NOX4: variants seen among roughly 807,000 people sequenced by gnomAD.
The protein encoded by NOX4 is NADPH oxidase 4.
NOX4 carries 69 observed loss-of-function variants against 87.6 expected under a neutral mutation model. The ratio of observed to expected loss-of-function variants is 0.79; its 90% confidence interval spans 0.65 to 0.96. NOX4 has a LOEUF of 0.96. NOX4 is among the 40% of genes least tolerant of loss of function. NOX4 has a pLI of 0.00. For missense variants in NOX4, 680 were observed against 681.5 expected, an observed-to-expected ratio of 1.00 and a Z score of 0.02; for synonymous variants, 275 against 238.2, an observed-to-expected ratio of 1.15 and a Z score of -1.42.
At chr11:89,387,153 A>T (rs974002572) in intron 11 of NOX4, among the ~76,000 whole-genome samples, 1 of 151,742 alleles carries the variant, frequency 6.6e-6, no homozygotes, top group African/African-American at 2.4e-5. Flanking sequence ...CTTTACCACT[A>T]TTTTGTTTTA....
At chr11:89,559,182 C>T in the NOX4 span, among the ~76,000 whole-genome samples, 1 of 151,976 alleles carries the variant, frequency 6.6e-6, no homozygotes, top group Non-Finnish European at 1.5e-5. Context: ...ATGGGTCCTG[C>T]TCTCAAGAAA....
At chr11:89,480,179 C>T (rs913465763) in intron 2 of NOX4, among the ~76,000 whole-genome samples, 4 of 152,158 alleles carry the variant, frequency 2.6e-5, no homozygotes, top group African/African-American at 4.8e-5. Flanking sequence ...CAGACTTTCA[C>T]GATCCCACTT....
the NOX4 span, among the ~76,000 whole-genome samples, chr11:89,523,766 T>G: frequency 6.6e-6 from 1 of 152,122 alleles, no homozygotes; most frequent in African/African-American, 2.4e-5. Flanking sequence ...CATGCTATAC[T>G]CATGCAAGGA....
intron 7 of NOX4, among the ~76,000 whole-genome samples, chr11:89,423,050 A>T (rs977284577): frequency 1.3e-5 from 2 of 152,012 alleles, no homozygotes; most frequent in African/African-American, 2.4e-5. Flanking sequence ...CACCTGCGTC[A>T]GTCTCCCAAA....
At chr11:89,559,882 C>T in the NOX4 span, among the ~76,000 whole-genome samples, 1 of 152,082 alleles carries the variant, frequency 6.6e-6, no homozygotes, top group South Asian at 2.1e-4. Context: ...TGAGAAAAAG[C>T]TTGATACGTT....
intron 2 of NOX4, among the ~76,000 whole-genome samples, chr11:89,453,205 C>T (rs1201549445): frequency 6.6e-6 from 1 of 151,936 alleles, no homozygotes; most frequent in Non-Finnish European, 1.5e-5. Context: ...ACTCTGTCCA[C>T]TCCCATCCCC....
chr11:89,332,270 T>G (rs1460764050), intron 17 of NOX4, among the ~76,000 whole-genome samples: 1 of 151,782 alleles, frequency 6.6e-6, no homozygotes, highest in Non-Finnish European at 1.5e-5. Context: ...ATTCTTAAAT[T>G]GTATTGTTTG....
chr11:89,544,536 G>T, the NOX4 span, among the ~76,000 whole-genome samples: 2 of 152,138 alleles, frequency 1.3e-5, no homozygotes, highest in African/African-American at 2.4e-5. Flanking sequence ...GGTATAGGCA[G>T]CATTGTATCT....
chr11:89,586,884 T>C, the NOX4 span, among the ~76,000 whole-genome samples: 2 of 152,088 alleles, frequency 1.3e-5, no homozygotes, highest in African/African-American at 2.4e-5. Context: ...TAATGTTAGA[T>C]AACAAAGGTG....
At chr11:89,410,467 C>A (rs1254041298) in intron 8 of NOX4, among the ~76,000 whole-genome samples, 1 of 152,174 alleles carries the variant, frequency 6.6e-6, no homozygotes, top group Non-Finnish European at 1.5e-5. Context: ...GGATTCCCTG[C>A]ATAAAGATGG....
At chr11:89,331,602 G>A (rs1945474377) in intron 17 of NOX4, among the ~76,000 whole-genome samples, 1 of 151,794 alleles carries the variant, frequency 6.6e-6, no homozygotes, top group South Asian at 2.1e-4. Context: ...AACGCCATAT[G>A]ATGGCAATAA....
intron 13 of NOX4, among the ~76,000 whole-genome samples, chr11:89,345,079 T>C (rs573638930): frequency 3.9e-5 from 6 of 152,160 alleles, no homozygotes; most frequent in Non-Finnish European, 8.8e-5. Context: ...ACAAAAGGAA[T>C]GAGTTTAAAA....
chr11:89,358,708 C>G (rs1938278372), intron 12 of NOX4, among the ~76,000 whole-genome samples: 1 of 150,020 alleles, frequency 6.7e-6, no homozygotes, highest in Non-Finnish European at 1.5e-5. Context: ...ATCCTGTTGT[C>G]TATTTGATTA....
At chr11:89,491,380 G>T, upstream of NOX4, 1 of 789,540 alleles carries the variant, frequency 1.3e-6, no homozygotes, top group Non-Finnish European at 1.9e-6. Flanking sequence ...CTGAGTGGAA[G>T]CCCGAAGGCC....
intron 2 of NOX4, among the ~76,000 whole-genome samples, chr11:89,471,513 A>G (rs893170393): frequency 6.6e-6 from 1 of 152,210 alleles, no homozygotes; most frequent in African/African-American, 2.4e-5. Context: ...TCTATGGCAG[A>G]AAATTGGAAA....
intron 2 of NOX4, among the ~76,000 whole-genome samples, chr11:89,476,198 G>T (rs982212621): frequency 7.2e-5 from 11 of 151,788 alleles, no homozygotes; most frequent in African/African-American, 2.4e-4. Context: ...TCCACTATTT[G>T]CACCTATCCT....
chr11:89,580,243 G>A, the NOX4 span, among the ~76,000 whole-genome samples: 2 of 152,094 alleles, frequency 1.3e-5, no homozygotes, highest in African/African-American at 4.8e-5. Context: ...TGAGTGCAGT[G>A]GCATGATTAT....
At chr11:89,519,217 T>C in the NOX4 span, among the ~76,000 whole-genome samples, 6 of 152,078 alleles carry the variant, frequency 3.9e-5, no homozygotes, top group Non-Finnish European at 7.4e-5. Flanking sequence ...GAAAGTCACT[T>C]CACATGGTTT....
At chr11:89,524,531 C>T in the NOX4 span, among the ~76,000 whole-genome samples, 2 of 152,006 alleles carry the variant, frequency 1.3e-5, no homozygotes, top group Non-Finnish European at 2.9e-5. Context: ...TTGATTCATA[C>T]TCCTATGTAA....
Sources: gnomAD v4.1 joint callset for allele counts (sites outside exome capture counted in the v4.1 genomes callset) on GRCh38, gnomAD v4.1.1 for gene constraint, MANE v1.5 for transcripts, NCBI Gene and HGNC (gene_info 2026-07-23, HGNC 2026-07-21) for gene names.